CENPL: variants seen among roughly 807,000 people sequenced by gnomAD.
CENPL encodes the protein centromere protein L, also known as interphase centromere complex protein 33.
Under a neutral mutation model 35.2 loss-of-function variants are expected in CENPL, and 20 were observed. That is an observed-to-expected ratio of 0.57 (90% CI 0.40 to 0.83). CENPL has a LOEUF of 0.83. Among genes scored for constraint, CENPL ranks in the 40% least tolerant of loss-of-function variants. The pLI is 0.00. For missense variants in CENPL, 363 were observed against 395.8 expected (o/e 0.92, Z 0.70); for synonymous variants, 140 against 140.6 (o/e 1.00, Z 0.03).
Position 173,816,454 on chromosome 1 carries a change from C to A in CENPL, c.-7-5148G>T, listed in dbSNP as rs187597375. ...AACTATACTACAAGGCCACAGTAAC[C>A]AAAACAGCATGGTACTGGTACCAAA... On this transcript the variant is annotated intron_variant, in intron 2 of 5. Coordinates refer to ENST00000682279, the MANE Select transcript of CENPL (RefSeq NM_001387287.1). Among the ~76,000 whole-genome samples, 358 of 152,250 alleles carry A rather than the reference C, an allele frequency of 2.4e-3. 7 individuals carry two copies. The highest frequency in any genetic ancestry group is 2.2e-4 in the Non-Finnish European group (15 of 68,024).
chr1:173,804,357 A>G (rs576686901), intron 4 of CENPL, among the ~76,000 whole-genome samples: 60 of 152,324 alleles, frequency 3.9e-4, no homozygotes, highest in Non-Finnish European at 7.2e-4. Context: ...ACTAAGTTCA[A>G]TATTTCCAGT....
intron 3 of CENPL, among the ~76,000 whole-genome samples, 178 bp downstream of exon 3, chr1:173,810,954 A>G (rs1650757145): frequency 6.6e-6 from 1 of 152,172 alleles, no homozygotes; most frequent in African/African-American, 2.4e-5. Context: ...AAATATAAAA[A>G]ACAAATAAAA....
In CENPL at chr1:173,802,311, T is replaced by C. The variant is rs377663698; in HGVS notation, c.963+652A>G. 2.6e-5 allele frequency among the ~76,000 whole-genome samples: 4 copies of C among 152,176 alleles called. No homozygotes were observed. The East Asian group carries it at 5.9e-4, about 22-fold the overall frequency. ...AGCTCCGCCTCTCGGGTTCACACCA[T>C]TCTCCTGCCTCAGCCTCCCCCAGTA... On this transcript the variant is annotated intron_variant, in intron 5 of 5. Transcript: ENST00000682279.
intron 4 of CENPL, 93 bp from the exon 5 acceptor site, chr1:173,803,598 G>A (rs1649955654): frequency 1.7e-6 from 2 of 1,158,492 alleles, no homozygotes; most frequent in Non-Finnish European, 2.4e-6. Flanking sequence ...AATAAGACGA[G>A]CCAATGTAAT....
chr1:173,818,853 C>T (rs9425751), intron 2 of CENPL, among the ~76,000 whole-genome samples: 13,835 of 152,186 alleles, frequency 0.091, 2,033 homozygotes, highest in African/African-American at 0.31. Context: ...CTTTATATTT[C>T]TCTTGTATAA....
At chr1:173,807,617 T>C (rs1354178310) in intron 3 of CENPL, 99 bp from the exon 4 acceptor site, 3 of 1,015,596 alleles carry the variant, frequency 3.0e-6, no homozygotes, top group Non-Finnish European at 4.1e-6. Context: ...TATTATTGAG[T>C]ACCTGATTTT....
At chr1:173,809,736 G>C (rs994626798) in intron 3 of CENPL, among the ~76,000 whole-genome samples, 2 of 152,046 alleles carry the variant, frequency 1.3e-5, no homozygotes, top group African/African-American at 4.8e-5. Context: ...CTGATCATTA[G>C]AGAAATGCAA....
intron 4 of CENPL, among the ~76,000 whole-genome samples, chr1:173,805,171 T>G (rs1259769821): frequency 6.6e-6 from 1 of 152,214 alleles, no homozygotes; most frequent in East Asian, 1.9e-4. Flanking sequence ...GTGCTTCACT[T>G]GACAAAAACT....
intron 3 of CENPL, among the ~76,000 whole-genome samples, chr1:173,809,000 G>A (rs1227954958): frequency 6.6e-6 from 1 of 152,048 alleles, no homozygotes; most frequent in Non-Finnish European, 1.5e-5. Flanking sequence ...TCTGACAAAG[G>A]TCTACTATCC....
intron 3 of CENPL, 38 bp from the exon 4 acceptor site, chr1:173,807,556 T>C (rs2102576142): frequency 7.0e-7 from 1 of 1,418,952 alleles, no homozygotes; most frequent in Admixed American, 2.3e-5. Flanking sequence ...GTTTAAGAAT[T>C]AGGAAACAAT....
intron 2 of CENPL, among the ~76,000 whole-genome samples, chr1:173,812,680 A>G (rs1351332146): frequency 2.0e-5 from 3 of 152,238 alleles, no homozygotes; most frequent in Non-Finnish European, 4.4e-5. Context: ...GGTCACCAAC[A>G]TCAAACACCA....
chr1:173,802,392 G>A (rs1649830603), intron 5 of CENPL, among the ~76,000 whole-genome samples: 1 of 152,010 alleles, frequency 6.6e-6, no homozygotes, highest in South Asian at 2.1e-4. Context: ...ATTTTTAGTG[G>A]AGACGGGGTT....
chr1:173,813,740 A>G (rs1295424349), intron 2 of CENPL, among the ~76,000 whole-genome samples: 1 of 152,230 alleles, frequency 6.6e-6, no homozygotes. Flanking sequence ...TGTAAAGATC[A>G]TCAATGCTAG....
intron 3 of CENPL, among the ~76,000 whole-genome samples, chr1:173,809,448 C>T (rs1180795197): frequency 6.6e-6 from 1 of 151,372 alleles, no homozygotes; most frequent in Non-Finnish European, 1.5e-5. Context: ...AAAAATTAGC[C>T]AGGCATGGTG....
At chr1:173,809,111 C>T (rs974310465) in intron 3 of CENPL, among the ~76,000 whole-genome samples, 20 of 152,254 alleles carry the variant, frequency 1.3e-4, no homozygotes, top group African/African-American at 3.1e-4. Context: ...GAGGCCGAGG[C>T]GGGTGGATCA....
At chr1:173,824,161 G>A (rs755642183) in intron 1 of CENPL, 51 bp downstream of exon 1, 1 of 152,240 alleles carries the variant, frequency 6.6e-6, no homozygotes. Context: ...CGCTCCCTCA[G>A]ACGCGGGGCG....
chr1:173,810,295 G>A (rs1224259481), intron 3 of CENPL, among the ~76,000 whole-genome samples: 1 of 152,126 alleles, frequency 6.6e-6, no homozygotes, highest in Admixed American at 6.6e-5. Context: ...TCACTTATAA[G>A]TGGGAGCTAA....
intron 2 of CENPL, among the ~76,000 whole-genome samples, chr1:173,814,620 G>A (rs145435241): frequency 2.6e-5 from 4 of 152,258 alleles, no homozygotes; most frequent in South Asian, 2.1e-4. Context: ...AAATAAAGAC[G>A]TTCTTTGAAA....
chr1:173,817,145 A>C (rs1651467109), intron 2 of CENPL, among the ~76,000 whole-genome samples: 1 of 147,504 alleles, frequency 6.8e-6, no homozygotes, highest in Admixed American at 6.6e-5. Flanking sequence ...CTCAGAAAAA[A>C]AAGAAAGCAA....
Sources: allele counts gnomAD v4.1 joint callset (sites outside exome capture counted in the v4.1 genomes callset), GRCh38; gene constraint gnomAD v4.1.1; transcripts MANE v1.5; gene names NCBI Gene and HGNC (gene_info 2026-07-23, HGNC 2026-07-21).